The following PTPRM variants were observed in gnomAD, a reference collection of about 807,000 sequenced individuals.
The protein encoded by PTPRM is receptor-type tyrosine-protein phosphatase mu.
A neutral mutation model predicts 186.7 loss-of-function variants in PTPRM; 47 were observed. The observed-to-expected ratio is 0.25, with a 90% CI of 0.20 to 0.32. The LOEUF is 0.32. Among genes scored for constraint, PTPRM ranks in the 10% least tolerant of loss-of-function variants. The pLI is 1.00. For missense variants in PTPRM, 1,494 were observed against 1,865.0 expected (o/e 0.80, Z 3.66); for synonymous variants, 668 against 674.9 (o/e 0.99, Z 0.16).
intron 7 of PTPRM, among the ~76,000 whole-genome samples, chr18:8,055,751 A>G (rs2087879999): frequency 6.6e-6 from 1 of 152,222 alleles, no homozygotes; most frequent in Non-Finnish European, 1.5e-5. Flanking sequence ...ATATTTATGT[A>G]TCAGTGTGTT....
At chr18:7,829,093 AT>A (rs1177139789) in intron 2 of PTPRM, among the ~76,000 whole-genome samples, 4 of 152,176 alleles carry the variant, frequency 2.6e-5, no homozygotes, top group Non-Finnish European at 4.4e-5. Context: ...ATAATCTGCC[AT>A]TTGGACTATC....
At chr18:8,281,331 C>G (rs913901400) in intron 19 of PTPRM, among the ~76,000 whole-genome samples, 1 of 152,222 alleles carries the variant, frequency 6.6e-6, no homozygotes, top group Non-Finnish European at 1.5e-5. Context: ...TCACTGTACT[C>G]TCTTCCTCTA....
chr18:7,683,338 TA>T (rs772318948), intron 1 of PTPRM, among the ~76,000 whole-genome samples: 4 of 151,774 alleles, frequency 2.6e-5, no homozygotes, highest in African/African-American at 7.2e-5. Context: ...CCTGGCTAAT[TA>T]AAAAAAATGT....
Position 7,926,650 on chromosome 18 carries a change from C to T in PTPRM, c.630C>T (p.Gly210=), listed in dbSNP as rs1356924848. 6.2e-7 allele frequency: 1 copy of T among 1,613,172 alleles called. No individual in the cohort carries two copies. Among genetic ancestry groups the T allele is most frequent in the African/African-American group, 1.3e-5 (1 of 74,888 alleles). Reference sequence around the variant, plus strand: ...CTACCTTCCAGTGCAGTGCCATCGGCAGGACCGTGGCAGGAGACAGGCTCT... The same window carrying T: ...CTACCTTCCAGTGCAGTGCCATCGGTAGGACCGTGGCAGGAGACAGGCTCT... The part of the protein sequence containing the change: ...QFATFQCSAI[G]RTVAGDRLWL... Residue 210 remains glycine, a synonymous_variant, in exon 5 of 33, where the codon GGC becomes GGT. Coordinates refer to ENST00000580170, the MANE Select transcript of PTPRM (RefSeq NM_001105244.2).
chr18:7,716,209 C>T (rs1006626230), intron 1 of PTPRM, among the ~76,000 whole-genome samples: 4 of 152,264 alleles, frequency 2.6e-5, no homozygotes, highest in Middle Eastern at 3.4e-3. Flanking sequence ...TCACTCCACA[C>T]GTCTGCAACC....
chr18:7,764,549 C>G (rs969367208), intron 1 of PTPRM, among the ~76,000 whole-genome samples: 1 of 152,128 alleles, frequency 6.6e-6, no homozygotes, highest in Admixed American at 6.5e-5. Context: ...TGATCCAGAA[C>G]AGTGATTACC....
intron 2 of PTPRM, chr18:7,814,560 T>G (rs1289741195): frequency 6.6e-6 from 1 of 152,200 alleles, no homozygotes; most frequent in Non-Finnish European, 1.5e-5. Flanking sequence ...CTGCATCACC[T>G]AATTCACTGG....
intron 31 of PTPRM, among the ~76,000 whole-genome samples, chr18:8,393,977 G>A (rs1163117541): frequency 6.6e-6 from 1 of 152,024 alleles, no homozygotes; most frequent in Non-Finnish European, 1.5e-5. Context: ...TTTTTTAGTA[G>A]CGATGGGGTT....
intron 2 of PTPRM, among the ~76,000 whole-genome samples, chr18:7,805,437 T>C (rs548779779): frequency 5.9e-5 from 9 of 152,216 alleles, no homozygotes; most frequent in Admixed American, 5.9e-4. Flanking sequence ...TGCTTCTGTT[T>C]ATGAGCTCTT....
intron 20 of PTPRM, among the ~76,000 whole-genome samples, chr18:8,301,792 G>T (rs1414229891): frequency 6.6e-6 from 1 of 152,240 alleles, no homozygotes; most frequent in Non-Finnish European, 1.5e-5. Context: ...ATGTTAGGAG[G>T]TGAGCACCCA....
intron 7 of PTPRM, among the ~76,000 whole-genome samples, chr18:8,064,726 G>A (rs150576977): frequency 2.0e-5 from 3 of 152,110 alleles, no homozygotes; most frequent in African/African-American, 7.2e-5. Flanking sequence ...TTAAACTCTG[G>A]AAAGCACTGA....
intron 19 of PTPRM, among the ~76,000 whole-genome samples, chr18:8,277,734 C>T (rs189896996): frequency 2.6e-5 from 4 of 152,274 alleles, no homozygotes; most frequent in East Asian, 3.9e-4. Flanking sequence ...TGTGTGTTTC[C>T]GTGTGTTTCA....
At chr18:7,706,902 CT>C (rs1157284169) in intron 1 of PTPRM, among the ~76,000 whole-genome samples, 2 of 151,994 alleles carry the variant, frequency 1.3e-5, no homozygotes, top group Non-Finnish European at 2.9e-5. Flanking sequence ...ACGTTTTAAC[CT>C]TCCTAGGAGA....
chr18:7,618,046 T>A (rs1030912929), intron 1 of PTPRM, among the ~76,000 whole-genome samples: 2 of 152,178 alleles, frequency 1.3e-5, no homozygotes, highest in African/African-American at 4.8e-5. Context: ...GAATCTGACT[T>A]GTTGATGACA....
intron 15 of PTPRM, 129 bp from the exon 16 acceptor site, chr18:8,247,716 A>T (rs1218183351): frequency 4.6e-6 from 3 of 653,532 alleles, no homozygotes; most frequent in Non-Finnish European, 8.2e-6. Flanking sequence ...GATATTTCCC[A>T]CATAGACATC....
chr18:7,708,104 G>T (rs2144759620), intron 1 of PTPRM, among the ~76,000 whole-genome samples: 1 of 152,298 alleles, frequency 6.6e-6, no homozygotes, highest in East Asian at 1.9e-4. Flanking sequence ...ATTCAGTAAG[G>T]TTTTTAAATG....
intron 7 of PTPRM, among the ~76,000 whole-genome samples, chr18:7,985,809 C>T: frequency 6.6e-6 from 1 of 151,882 alleles, no homozygotes. Flanking sequence ...ATGATAGTCA[C>T]CCTGTTGTGC....
At chr18:8,285,930 G>C (rs979726735) in intron 19 of PTPRM, among the ~76,000 whole-genome samples, 1 of 152,178 alleles carries the variant, frequency 6.6e-6, no homozygotes, top group East Asian at 1.9e-4. Context: ...GTCAAGGGCT[G>C]CAGTGAGCTG....
chr18:7,596,921 T>A (rs984492788), intron 1 of PTPRM, among the ~76,000 whole-genome samples: 2 of 152,230 alleles, frequency 1.3e-5, no homozygotes, highest in Middle Eastern at 3.4e-3. Flanking sequence ...TGGCACAATT[T>A]CGGCTCACTG....
Sources: gnomAD v4.1 joint callset for allele counts (sites outside exome capture counted in the v4.1 genomes callset) on GRCh38, gnomAD v4.1.1 for gene constraint, MANE v1.5 for transcripts, NCBI Gene and HGNC (gene_info 2026-07-23, HGNC 2026-07-21) for gene names.